SNX29: variants seen among roughly 807,000 people sequenced by gnomAD.
SNX29 encodes the protein sorting nexin-29.
Under a neutral mutation model 102.1 loss-of-function variants are expected in SNX29, and 78 were observed. That is an observed-to-expected ratio of 0.76 (90% CI 0.64 to 0.92). The LOEUF is 0.92. SNX29 is among the 40% of genes least tolerant of loss of function. The pLI is 0.00. For missense variants in SNX29, 1,280 were observed against 1,061.7 expected, an observed-to-expected ratio of 1.21 and a Z score of -2.86; for synonymous variants, 580 against 414.5, an observed-to-expected ratio of 1.40 and a Z score of -4.85.
chr16:12,382,797 C>T (rs1164025694), intron 16 of SNX29, among the ~76,000 whole-genome samples: 2 of 152,060 alleles, frequency 1.3e-5, no homozygotes, highest in Admixed American at 6.6e-5. Context: ...GGTTTATGGC[C>T]GTGTCACACC....
intron 15 of SNX29, among the ~76,000 whole-genome samples, chr16:12,290,367 G>A (rs532065847): frequency 4.6e-5 from 7 of 151,870 alleles, no homozygotes; most frequent in African/African-American, 7.3e-5. Flanking sequence ...GTCCGTTTTC[G>A]CTGGCTGACT....
At chr16:12,549,455 A>G (rs1324968590) in intron 20 of SNX29, among the ~76,000 whole-genome samples, 1 of 151,814 alleles carries the variant, frequency 6.6e-6, no homozygotes, top group African/African-American at 2.4e-5. Context: ...AGATTGCACC[A>G]TTGAACTCCA....
At chr16:12,511,495 C>G (rs879878706) in intron 19 of SNX29, among the ~76,000 whole-genome samples, 1 of 152,170 alleles carries the variant, frequency 6.6e-6, no homozygotes, top group Non-Finnish European at 1.5e-5. Flanking sequence ...ATTATTGTTA[C>G]GAGAAACACG....
At chr16:12,475,026 TG>T (rs1256567811) in intron 18 of SNX29, among the ~76,000 whole-genome samples, 2 of 152,340 alleles carry the variant, frequency 1.3e-5, no homozygotes, top group Non-Finnish European at 2.9e-5. Flanking sequence ...TCTCCATCTG[TG>T]GGGTGGTCCA....
intron 11 of SNX29, among the ~76,000 whole-genome samples, chr16:12,115,191 A>G (rs2053646087): frequency 6.6e-6 from 1 of 151,836 alleles, no homozygotes; most frequent in East Asian, 1.9e-4. Flanking sequence ...TTTTTCCTTC[A>G]GCCCCCCTCG....
intron 19 of SNX29, among the ~76,000 whole-genome samples, chr16:12,501,476 C>G (rs143362967): frequency 4.6e-5 from 7 of 152,176 alleles, no homozygotes; most frequent in Non-Finnish European, 1.0e-4. Context: ...AATCCCAGCA[C>G]TTTGGGAGGC....
chr16:12,196,200 G>A (rs2076769204), intron 13 of SNX29, among the ~76,000 whole-genome samples: 1 of 151,832 alleles, frequency 6.6e-6, no homozygotes, highest in African/African-American at 2.4e-5. Context: ...GTTGTCCTGG[G>A]CTCAAGTAAT....
chr16:12,567,003 C>T (rs1006836736), intron 20 of SNX29, among the ~76,000 whole-genome samples: 3 of 152,218 alleles, frequency 2.0e-5, no homozygotes, highest in Non-Finnish European at 4.4e-5. Context: ...AGGTGCAACG[C>T]AAAGTAGATC....
intron 19 of SNX29, among the ~76,000 whole-genome samples, chr16:12,498,505 G>A (rs1035874971): frequency 2.6e-5 from 4 of 152,304 alleles, no homozygotes; most frequent in Non-Finnish European, 5.9e-5. Context: ...TGCATATCAA[G>A]GAGAACACCA....
At chr16:12,059,637 C>G (rs2151258657) in intron 8 of SNX29, among the ~76,000 whole-genome samples, 1 of 152,258 alleles carries the variant, frequency 6.6e-6, no homozygotes, top group East Asian at 1.9e-4. Context: ...GCTGGCAATC[C>G]CTGCCTGCGG....
intron 18 of SNX29, among the ~76,000 whole-genome samples, chr16:12,469,896 C>G (rs1266694477): frequency 6.6e-6 from 1 of 152,090 alleles, no homozygotes; most frequent in Non-Finnish European, 1.5e-5. Flanking sequence ...TGTAATCCCA[C>G]CTACTTAGGA....
rs371742377 is a variant in SNX29 at position 12,569,018 on chromosome 16, C to T, written c.*389C>T. ...CCTATATAGGAAGGTTCATGCAGAG[C>T]CAGCCTCTCCACTCTTTCCCACGTG... On this transcript the variant is annotated 3_prime_UTR_variant, in exon 21 of 21. Transcript: ENST00000566228. 2.0e-5 allele frequency: 5 copies of T among 252,132 alleles called. No homozygotes were observed. Among genetic ancestry groups the T allele is most frequent in the Non-Finnish European group, 3.0e-5 (4 of 131,558 alleles). The allele number at this position is 252,132 out of a possible 1,614,324, so 15.6% of individuals were successfully genotyped here.
chr16:12,476,702 A>C (rs987591568), intron 18 of SNX29, among the ~76,000 whole-genome samples: 1 of 151,742 alleles, frequency 6.6e-6, no homozygotes, highest in Non-Finnish European at 1.5e-5. Context: ...CGCTAATTGA[A>C]ATGTCGTGGT....
At chr16:12,563,498 G>C (rs139414309) in intron 20 of SNX29, among the ~76,000 whole-genome samples, 2 of 152,160 alleles carry the variant, frequency 1.3e-5, no homozygotes, top group East Asian at 1.9e-4. Context: ...CTATTAAAAC[G>C]GGGAGACTCC....
At chr16:12,193,549 T>G (rs1192444532) in intron 13 of SNX29, among the ~76,000 whole-genome samples, 2 of 152,226 alleles carry the variant, frequency 1.3e-5, no homozygotes, top group Non-Finnish European at 2.9e-5. Context: ...GCTTTTAGTA[T>G]TATATCTAAG....
intron 8 of SNX29, among the ~76,000 whole-genome samples, chr16:12,056,938 C>T (rs1278067653): frequency 2.1e-5 from 3 of 145,614 alleles, no homozygotes; most frequent in Non-Finnish European, 3.1e-5. Context: ...CTCCCTGCCT[C>T]AGCCTCCTGA....
chr16:12,543,371 G>C (rs567591147), intron 20 of SNX29, among the ~76,000 whole-genome samples: 43 of 152,280 alleles, frequency 2.8e-4, no homozygotes, highest in African/African-American at 1.0e-3. Flanking sequence ...TAAGCTCATG[G>C]ACTGAACATG....
intron 18 of SNX29, among the ~76,000 whole-genome samples, chr16:12,418,112 C>T (rs1027387232): frequency 2.6e-5 from 4 of 152,074 alleles, no homozygotes; most frequent in African/African-American, 4.8e-5. Flanking sequence ...ACATGACTAC[C>T]GAGTCACTCC....
chr16:12,411,516 T>C (rs1441491826), intron 18 of SNX29, among the ~76,000 whole-genome samples: 2 of 152,246 alleles, frequency 1.3e-5, no homozygotes, highest in Non-Finnish European at 2.9e-5. Context: ...GTGTCACTGC[T>C]GTCCTCTTTC....
Sources: allele counts gnomAD v4.1 joint callset (sites outside exome capture counted in the v4.1 genomes callset), GRCh38; gene constraint gnomAD v4.1.1; transcripts MANE v1.5; gene names NCBI Gene and HGNC (gene_info 2026-07-23, HGNC 2026-07-21).